Variants in IL1RAPL1 observed in about 807,000 individuals in gnomAD.
IL1RAPL1 encodes interleukin 1 receptor accessory protein like 1, also known as interleukin-1 receptor accessory protein-like 1.
A neutral mutation model predicts 48.4 loss-of-function variants in IL1RAPL1; 3 were observed. The observed-to-expected ratio is 0.06, with a 90% CI of 0.03 to 0.16. The LOEUF (loss-of-function observed/expected upper bound fraction) is 0.16. Ranked by LOEUF, IL1RAPL1 falls within the 10% of genes least tolerant of loss-of-function variation. The pLI is 1.00. For synonymous variants in IL1RAPL1, 185 were observed against 187.7 expected, an observed-to-expected ratio of 0.99 and a Z score of 0.12; for missense variants, 349 against 530.6, an observed-to-expected ratio of 0.66 and a Z score of 3.36.
chrX:29,428,233 C>T (rs1402437788), intron 5 of IL1RAPL1, among the ~76,000 whole-genome samples: 4 of 111,927 alleles, frequency 3.6e-5, no homozygotes, highest in Non-Finnish European at 7.5e-5. Context: ...AGGCTTTCAA[C>T]AGCCATAGAA....
chrX:29,800,508 A>ACG (rs1402602122), intron 6 of IL1RAPL1, among the ~76,000 whole-genome samples: 1 of 110,061 alleles, frequency 9.1e-6, no homozygotes, highest in Non-Finnish European at 1.9e-5. Context: ...ACACACACAC[A>ACG]CACACACATG....
intron 1 of IL1RAPL1, among the ~76,000 whole-genome samples, chrX:28,755,086 C>T (rs1384968867): frequency 9.0e-6 from 1 of 111,519 alleles, no homozygotes; most frequent in Non-Finnish European, 1.9e-5. Flanking sequence ...CTCTGCCTCC[C>T]GGGTTCAAGC....
At chrX:29,939,419 T>C (rs1933087044) in intron 8 of IL1RAPL1, among the ~76,000 whole-genome samples, 2 of 112,381 alleles carry the variant, frequency 1.8e-5, no homozygotes, top group African/African-American at 3.2e-5. Flanking sequence ...GTTAGAATTT[T>C]ACACAGGCTT....
At chrX:29,628,558 G>C (rs1473389040) in intron 5 of IL1RAPL1, among the ~76,000 whole-genome samples, 1 of 111,807 alleles carries the variant, frequency 8.9e-6, no homozygotes, top group East Asian at 2.8e-4. Context: ...GAAAGGACAA[G>C]TGATTCTAGG....
intron 1 of IL1RAPL1, among the ~76,000 whole-genome samples, chrX:28,726,551 C>G (rs1423042487): frequency 9.0e-6 from 1 of 111,429 alleles, no homozygotes; most frequent in Non-Finnish European, 1.9e-5. Flanking sequence ...ATAAAACTCC[C>G]TCACAAAAAA....
At chrX:29,220,713 T>C (rs929811182) in intron 2 of IL1RAPL1, among the ~76,000 whole-genome samples, 2 of 112,193 alleles carry the variant, frequency 1.8e-5, no homozygotes, top group Non-Finnish European at 3.8e-5. Flanking sequence ...GATGTTCTTC[T>C]TTTTAAAAAG....
chrX:29,454,610 G>A (rs954998934), intron 5 of IL1RAPL1, among the ~76,000 whole-genome samples: 1 of 111,582 alleles, frequency 9.0e-6, no homozygotes, highest in African/African-American at 3.3e-5. Context: ...GGAGAGAAAC[G>A]AGGGAGGTAG....
chrX:29,224,931 C>T (rs1339792984), intron 2 of IL1RAPL1, among the ~76,000 whole-genome samples: 1 of 112,097 alleles, frequency 8.9e-6, no homozygotes, highest in Non-Finnish European at 1.9e-5. Flanking sequence ...TATGCCCTCA[C>T]ACAGAAAATC....
intron 6 of IL1RAPL1, among the ~76,000 whole-genome samples, chrX:29,797,239 G>A (rs1929763321): frequency 8.9e-6 from 1 of 112,366 alleles, no homozygotes; most frequent in Non-Finnish European, 1.9e-5. Flanking sequence ...CACATGGCAG[G>A]AGCCCAATGT....
intron 1 of IL1RAPL1, among the ~76,000 whole-genome samples, chrX:28,676,859 C>T (rs1935003396): frequency 9.0e-6 from 1 of 111,357 alleles, no homozygotes; most frequent in African/African-American, 3.3e-5. Context: ...ATCCTGACCC[C>T]AATTCTTTTT....
chrX:29,619,258 A>G (rs1168735014), intron 5 of IL1RAPL1, among the ~76,000 whole-genome samples: 2 of 111,950 alleles, frequency 1.8e-5, no homozygotes, highest in Non-Finnish European at 3.8e-5. Flanking sequence ...CTTGGCTTCC[A>G]GGAAGTACAG....
intron 5 of IL1RAPL1, among the ~76,000 whole-genome samples, chrX:29,460,417 C>T (rs1034214600): frequency 5.4e-5 from 6 of 112,056 alleles, no homozygotes; most frequent in Non-Finnish European, 1.1e-4. Context: ...AACGTTTAGC[C>T]TGTGGTTGGG....
In IL1RAPL1 at chrX:29,882,157, C is replaced by G. The variant is rs747972894; in HGVS notation, c.779-35307C>G. ...CCAAGAAACAGCCTTCCTGTATTCACCACCTTTATTTGAAGTTGAGAAATA... is the reference window on the plus strand; with the variant it reads ...CCAAGAAACAGCCTTCCTGTATTCAGCACCTTTATTTGAAGTTGAGAAATA... On this transcript the variant is annotated intron_variant, in intron 6 of 10. Transcript: ENST00000378993. 4.5e-5 allele frequency among the ~76,000 whole-genome samples: 5 copies of G among 111,637 alleles called. No individual in the cohort carries two copies. In the East Asian group the frequency reaches 1.1e-3, roughly 25 times the overall value.
intron 2 of IL1RAPL1, among the ~76,000 whole-genome samples, chrX:28,851,455 A>C (rs1921661000): frequency 9.0e-6 from 1 of 111,188 alleles, no homozygotes; most frequent in African/African-American, 3.3e-5. Context: ...TCTTGGTGAA[A>C]ATTCCTTCCT....
chrX:29,530,800 G>C (rs1014116159), intron 5 of IL1RAPL1, among the ~76,000 whole-genome samples: 1 of 105,834 alleles, frequency 9.4e-6, no homozygotes, highest in Non-Finnish European at 2.0e-5. Context: ...CTATAATTAT[G>C]GTGAAATCTA....
intron 5 of IL1RAPL1, among the ~76,000 whole-genome samples, chrX:29,641,618 G>A (rs1050464549): frequency 2.3e-4 from 26 of 112,038 alleles, no homozygotes; most frequent in African/African-American, 8.1e-4. Context: ...TTCCCACTGA[G>A]TGAAGGCTTT....
intron 6 of IL1RAPL1, among the ~76,000 whole-genome samples, chrX:29,679,813 G>T (rs1055779625): frequency 2.7e-5 from 3 of 111,648 alleles, no homozygotes; most frequent in African/African-American, 9.8e-5. Flanking sequence ...TCAGCCTCAG[G>T]AGAAATTGTG....
At chrX:29,427,329 T>C (rs1934363126) in intron 5 of IL1RAPL1, among the ~76,000 whole-genome samples, 1 of 112,458 alleles carries the variant, frequency 8.9e-6, no homozygotes, top group Admixed American at 9.4e-5. Flanking sequence ...ACAAACCCTA[T>C]TGGTTCTTCT....
At chrX:29,143,243 A>G (rs951826141) in intron 2 of IL1RAPL1, among the ~76,000 whole-genome samples, 1 of 111,340 alleles carries the variant, frequency 9.0e-6, no homozygotes, top group African/African-American at 3.3e-5. Context: ...TAACAAAATG[A>G]AAGACATGGA....
Sources: gnomAD v4.1 joint callset for allele counts (sites outside exome capture counted in the v4.1 genomes callset) on GRCh38, gnomAD v4.1.1 for gene constraint, MANE v1.5 for transcripts, NCBI Gene and HGNC (gene_info 2026-07-23, HGNC 2026-07-21) for gene names.